The following FRZB variants were observed in gnomAD, a reference collection of about 807,000 sequenced individuals.
FRZB encodes the protein frizzled related protein, also known as secreted frizzled-related protein 3.
FRZB carries 34 observed loss-of-function variants against 32.5 expected under a neutral mutation model. The observed-to-expected ratio is 1.05, with a 90% confidence interval of 0.80 to 1.39. The LOEUF (loss-of-function observed/expected upper bound fraction) is 1.39, where lower values mean the gene tolerates loss of function less well. FRZB is among the 40% of genes most tolerant of loss of function. FRZB has a pLI of 0.00. For synonymous variants in FRZB, 170 were observed against 159.2 expected, an observed-to-expected ratio of 1.07 and a Z score of -0.51; for missense variants, 423 against 424.8, an observed-to-expected ratio of 1.00 and a Z score of 0.04.
chr2:182,856,965 A>T (rs922666080), intron 2 of FRZB, among the ~76,000 whole-genome samples: 4 of 152,204 alleles, frequency 2.6e-5, no homozygotes, highest in African/African-American at 9.6e-5. Context: ...AACTAAATTG[A>T]ATTGACATTT....
chr2:182,846,105 C>CA (rs1222327682), intron 2 of FRZB, among the ~76,000 whole-genome samples: 2 of 152,160 alleles, frequency 1.3e-5, no homozygotes, highest in African/African-American at 2.4e-5. Context: ...TTTGCTCATA[C>CA]AAATATGCTC....
At chr2:182,852,266 T>G (rs1328698774) in intron 2 of FRZB, among the ~76,000 whole-genome samples, 1 of 152,162 alleles carries the variant, frequency 6.6e-6, no homozygotes, top group Non-Finnish European at 1.5e-5. Context: ...TGGGAGTGGC[T>G]GGGCAGGCCT....
Position 182,834,768 on chromosome 2 carries a change from G to T in FRZB, c.*81C>A. Reference sequence around the variant, plus strand: ...AAACAATAGAATATGATGTGCAATAGTGCAATTTTCCTTTGCTAGTCCAGC... The same window carrying T: ...AAACAATAGAATATGATGTGCAATATTGCAATTTTCCTTTGCTAGTCCAGC... On this transcript the variant is annotated 3_prime_UTR_variant, in exon 6 of 6. Transcript: ENST00000295113. The T allele has an allele frequency of 1.1e-6, 1 of 902,874 alleles. No homozygotes were observed. Among genetic ancestry groups the T allele is most frequent in the Non-Finnish European group, 1.9e-6 (1 of 531,510 alleles). 55.9% of individuals were successfully genotyped at this position (902,874 alleles called of 1,614,324 possible). A position where few individuals can be genotyped will look rare whatever the true frequency, so the allele number is the denominator to read the frequency against.
At chr2:182,856,156 A>G (rs773569966) in intron 2 of FRZB, among the ~76,000 whole-genome samples, 1 of 152,004 alleles carries the variant, frequency 6.6e-6, no homozygotes, top group Non-Finnish European at 1.5e-5. Context: ...AGTTCTTCAG[A>G]CAGAACTTCT....
At chr2:182,863,338 C>A (rs1433062214) in intron 1 of FRZB, among the ~76,000 whole-genome samples, 2 of 152,142 alleles carry the variant, frequency 1.3e-5, no homozygotes, top group Admixed American at 6.6e-5. Context: ...TGTAGTCACA[C>A]AAAGTTATGC....
intron 2 of FRZB, among the ~76,000 whole-genome samples, chr2:182,857,648 T>A (rs1297090405): frequency 1.4e-5 from 2 of 146,300 alleles, no homozygotes; most frequent in Non-Finnish European, 3.0e-5. Flanking sequence ...AAACACAATA[T>A]AAGCTTCTAC....
chr2:182,839,981 G>A (rs1266203361), intron 3 of FRZB, among the ~76,000 whole-genome samples: 3 of 152,042 alleles, frequency 2.0e-5, no homozygotes, highest in Non-Finnish European at 2.9e-5. Context: ...CCCCATTAAT[G>A]TTCCAATTTC....
rs925065978 is a variant in FRZB at position 182,838,084 on chromosome 2, T to C, written c.798-73A>G. On this transcript the variant is annotated intron_variant, in intron 4 of 5. Coordinates refer to ENST00000295113, the MANE Select transcript of FRZB (RefSeq NM_001463.4). The stretch of plus-strand genomic sequence containing the variant: ...ACTGAAAAGTACAAGGAAACAGTAC[T>C]TGAACAAGAAAGACTTATATGTTTA... The C allele has an allele frequency of 6.3e-5, 74 of 1,172,712 alleles. No homozygotes were observed. In the South Asian group the frequency reaches 8.9e-4, roughly 14 times the overall value. The allele number at this position is 1,172,712 out of a possible 1,614,324, so 72.6% of individuals were successfully genotyped here. A position where few individuals can be genotyped will look rare whatever the true frequency, so the allele number is the denominator to read the frequency against.
chr2:182,846,324 A>ATCCAGAGCATCCAG (rs1695639885), intron 2 of FRZB, among the ~76,000 whole-genome samples: 2 of 152,314 alleles, frequency 1.3e-5, no homozygotes, highest in South Asian at 4.1e-4. Context: ...TTTGGGTCTT[A>ATCCAGAGCATCCAG]TCCAGAGGTG....
chr2:182,834,280 T>C lies in FRZB; in HGVS notation c.*569A>G, dbSNP rs946139397. The C allele has an allele frequency of 1.3e-5, 2 of 152,298 alleles. No homozygotes were observed. Among genetic ancestry groups the C allele is most frequent in the African/African-American group, 4.8e-5 (2 of 41,446 alleles). 9.4% of individuals were successfully genotyped at this position (152,298 alleles called of 1,614,324 possible). ...AAAATAATTCATCTTGGGTGTTGTT[T>C]CCTCATAAACACTTCCTGGTGCTTG... On this transcript the variant is annotated 3_prime_UTR_variant, in exon 6 of 6. Coordinates refer to ENST00000295113, the MANE Select transcript of FRZB (RefSeq NM_001463.4).
chr2:182,854,885 G>A (rs1695751405), intron 2 of FRZB, among the ~76,000 whole-genome samples: 1 of 152,228 alleles, frequency 6.6e-6, no homozygotes, highest in African/African-American at 2.4e-5. Flanking sequence ...GTGCAAGGGA[G>A]ATCAGAGAGA....
At position 182,863,417 on chromosome 2, in the gene FRZB, C is replaced by A. The variant is rs117057830; in HGVS notation, c.478+2658G>T. Among the ~76,000 whole-genome samples the A allele has an allele frequency of 5.9e-4, 90 of 152,264 alleles. 1 individual carries two copies. The East Asian group carries it at 0.016, about 27-fold the overall frequency. ...CCCGTTCTTTTCAAAAATATGATTACCCTTAGTATTTTGAAAGCAAAAAGT... is the reference window on the plus strand; with the variant it reads ...CCCGTTCTTTTCAAAAATATGATTAACCTTAGTATTTTGAAAGCAAAAAGT... On this transcript the variant is annotated intron_variant, in intron 1 of 5. Transcript: ENST00000295113.
rs1695890094 is a variant in FRZB at position 182,866,261 on chromosome 2, T to C, written c.292A>G (p.Ile98Val). 6 of 1,614,130 alleles carry C rather than the reference T, an allele frequency of 3.7e-6. No individual in the cohort carries two copies. The highest frequency in any genetic ancestry group is 5.1e-6 in the Non-Finnish European group (6 of 1,180,026). Residue 98 changes from isoleucine to valine, a missense_variant, in exon 1 of 6, where the codon ATT becomes GTT. Transcript: ENST00000295113. This position sits in a 1 kb window ranked among gnomAD's most constrained non-coding sequence, Gnocchi z 4.5. ...LCAMYAPICT[I>V]DFQHEPIKPC... ...TTGATGGGCTCGTGCTGGAAGTCAA[T>C]GGTGCAGATGGGCGCGTACATGGCA...
chr2:182,864,122 T>G lies in FRZB; in HGVS notation c.478+1953A>C, dbSNP rs114415678. On this transcript the variant is annotated intron_variant, in intron 1 of 5. Coordinates refer to ENST00000295113, the MANE Select transcript of FRZB (RefSeq NM_001463.4). ...TGTTTCCATGCATGTCCTATTTGAG[T>G]GCTTCAATGAGGCAACTGTTTCCAT... 9.5e-3 allele frequency among the ~76,000 whole-genome samples: 1,444 copies of G among 152,312 alleles called. 28 individuals carry two copies. The highest frequency in any genetic ancestry group is 0.032 in the African/African-American group (1,347 of 41,582).
intron 1 of FRZB, among the ~76,000 whole-genome samples, chr2:182,865,686 G>C (rs1695882093): frequency 6.6e-6 from 1 of 152,142 alleles, no homozygotes; most frequent in Non-Finnish European, 1.5e-5. Context: ...AATCAGCAAA[G>C]AAAACCCAAT....
At chr2:182,846,836 T>C (rs1200887950) in intron 2 of FRZB, among the ~76,000 whole-genome samples, 1 of 152,192 alleles carries the variant, frequency 6.6e-6, no homozygotes, top group Non-Finnish European at 1.5e-5. Context: ...TTTTTAACAG[T>C]TCCATAATTT....
At chr2:182,855,006 A>T (rs1366670042) in intron 2 of FRZB, among the ~76,000 whole-genome samples, 1 of 152,196 alleles carries the variant, frequency 6.6e-6, no homozygotes, top group Non-Finnish European at 1.5e-5. Context: ...CAAAAACTGC[A>T]CTGTAGGATA....
Position 182,858,783 on chromosome 2 carries a change from C to A in FRZB, c.526+3G>T. 6.2e-7 allele frequency: 1 copy of A among 1,607,058 alleles called. No homozygotes were observed. The highest frequency in any genetic ancestry group is 8.5e-7 in the Non-Finnish European group (1 of 1,174,642). ...AAAACCAGGAAGATAATGATATACT[C>A]ACCACTGCTTGCCCCTCTACAGTTT... On this transcript the variant is annotated splice_donor_region_variant and intron_variant, in intron 2 of 5. Transcript: ENST00000295113.
chr2:182,860,676 G>C (rs1040627767), intron 1 of FRZB, among the ~76,000 whole-genome samples: 6 of 152,096 alleles, frequency 3.9e-5, no homozygotes, highest in Admixed American at 3.9e-4. Context: ...AGACCAGCCT[G>C]GCCAACATGG....
Sources: allele counts gnomAD v4.1 joint callset (sites outside exome capture counted in the v4.1 genomes callset), GRCh38; gene constraint gnomAD v4.1.1; non-coding constraint Gnocchi (gnomAD v3.1); transcripts MANE v1.5; gene names NCBI Gene and HGNC (gene_info 2026-07-23, HGNC 2026-07-21).